GRID2: variants seen among roughly 807,000 people sequenced by gnomAD.
GRID2 encodes glutamate ionotropic receptor delta type subunit 2.
In GRID2, 33 loss-of-function variants were observed where a neutral mutation model predicts 114.8. The ratio of observed to expected loss-of-function variants is 0.29; its 90% confidence interval spans 0.22 to 0.38. The LOEUF (loss-of-function observed/expected upper bound fraction) is 0.38. GRID2 is among the 10% of genes least tolerant of loss of function. The pLI, the probability that GRID2 is intolerant of heterozygous loss-of-function variation, is 1.00. For synonymous variants in GRID2, 505 were observed against 449.9 expected (o/e 1.12, Z -1.55); for missense variants, 1,184 against 1,257.7 (o/e 0.94, Z 0.89).
intron 2 of GRID2, among the ~76,000 whole-genome samples, chr4:92,851,160 G>T (rs1743758023): frequency 6.6e-6 from 1 of 151,788 alleles, no homozygotes; most frequent in South Asian, 2.1e-4. Flanking sequence ...CCATGTGATG[G>T]TAATATGTAC....
intron 8 of GRID2, 121 bp downstream of exon 8, chr4:93,238,611 A>C: frequency 1.7e-6 from 1 of 589,178 alleles, no homozygotes; most frequent in Non-Finnish European, 2.8e-6. Context: ...AAGAGAAAGC[A>C]GGGGGTGAGG....
At chr4:93,536,360 T>C (rs1411556485) in intron 13 of GRID2, among the ~76,000 whole-genome samples, 3 of 151,750 alleles carry the variant, frequency 2.0e-5, no homozygotes, top group South Asian at 2.1e-4. Flanking sequence ...AACAGACACA[T>C]AGGCTAAAGG....
intron 14 of GRID2, among the ~76,000 whole-genome samples, chr4:93,715,462 G>T (rs1728828560): frequency 6.6e-6 from 1 of 152,082 alleles, no homozygotes; most frequent in South Asian, 2.1e-4. Flanking sequence ...TTCTAATTCT[G>T]TGAAGAATGT....
chr4:93,665,675 G>A (rs1723888571), intron 14 of GRID2, among the ~76,000 whole-genome samples: 1 of 152,106 alleles, frequency 6.6e-6, no homozygotes, highest in Non-Finnish European at 1.5e-5. Flanking sequence ...CATTCATTAA[G>A]TTGCTTGGAT....
chr4:92,366,934 T>C (rs866583127), intron 1 of GRID2, among the ~76,000 whole-genome samples: 1 of 152,070 alleles, frequency 6.6e-6, no homozygotes, highest in Non-Finnish European at 1.5e-5. Context: ...CCTAAAAATG[T>C]CTTTTATAGA....
At chr4:92,820,392 G>C (rs1291022835) in intron 2 of GRID2, among the ~76,000 whole-genome samples, 2 of 152,128 alleles carry the variant, frequency 1.3e-5, no homozygotes, top group African/African-American at 2.4e-5. Context: ...CTGAAAGTCA[G>C]AGAAACAGTT....
chr4:92,726,899 A>G lies in GRID2; in HGVS notation c.244+136613A>G, dbSNP rs1318435154. On this transcript the variant is annotated intron_variant, in intron 2 of 15. Transcript: ENST00000282020. ...AACTTTGATTCCCCAGAGATTTTAC[A>G]GGAAAAAAAATGGTCATCATAAATT... Among the ~76,000 whole-genome samples, 5 of 152,180 alleles carry G rather than the reference A, an allele frequency of 3.3e-5. No homozygotes were observed. The East Asian group carries it at 9.7e-4, about 29-fold the overall frequency.
chr4:92,399,649 C>T (rs1241148524), intron 1 of GRID2, among the ~76,000 whole-genome samples: 4 of 137,526 alleles, frequency 2.9e-5, no homozygotes, highest in East Asian at 4.1e-4. Context: ...CTCTCTCTCT[C>T]TCTCTCTCTC....
chr4:92,887,193 G>A (rs974700951), intron 2 of GRID2, among the ~76,000 whole-genome samples: 1 of 152,172 alleles, frequency 6.6e-6, no homozygotes, highest in African/African-American at 2.4e-5. Context: ...CTGAGAGATG[G>A]TAAAGAGAGA....
intron 2 of GRID2, among the ~76,000 whole-genome samples, chr4:92,692,320 C>G (rs930763345): frequency 6.6e-6 from 1 of 152,176 alleles, no homozygotes; most frequent in East Asian, 1.9e-4. Flanking sequence ...ATATGTCTTA[C>G]TTTGTTATCA....
intron 1 of GRID2, among the ~76,000 whole-genome samples, chr4:92,529,282 A>G (rs530963558): frequency 1.3e-5 from 2 of 152,012 alleles, no homozygotes; most frequent in East Asian, 1.9e-4. Flanking sequence ...AGTGAGAGAG[A>G]GAGAGAGAGA....
chr4:92,332,986 T>A (rs1210448857), intron 1 of GRID2, among the ~76,000 whole-genome samples: 9 of 152,188 alleles, frequency 5.9e-5, no homozygotes, highest in Non-Finnish European at 1.3e-4. Context: ...TTGGCTGGAA[T>A]TGTACTCTGG....
Position 92,464,896 on chromosome 4 carries a change from A to T in GRID2, c.89-125235A>T, listed in dbSNP as rs137891487. Among the ~76,000 whole-genome samples, 664 of 152,274 alleles carry T rather than the reference A, an allele frequency of 4.4e-3. 8 individuals are homozygous for T. The highest frequency in any genetic ancestry group is 0.015 in the African/African-American group (641 of 41,572). On this transcript the variant is annotated intron_variant, in intron 1 of 15. Coordinates refer to ENST00000282020, the MANE Select transcript of GRID2 (RefSeq NM_001510.4). ...GGACCTGGTGGGAGGTGATTGGATC[A>T]CGGGGGCAGATTTCCCCCTTGGTGT...
At chr4:92,472,224 C>T (rs1358694758) in intron 1 of GRID2, among the ~76,000 whole-genome samples, 3 of 60,836 alleles carry the variant, frequency 4.9e-5, no homozygotes, top group Non-Finnish European at 1.0e-4. Flanking sequence ...TGAGCCACCG[C>T]GCCCGGCCGT....
chr4:92,571,078 TG>T (rs1360736922), intron 1 of GRID2, among the ~76,000 whole-genome samples: 1 of 152,088 alleles, frequency 6.6e-6, no homozygotes, highest in Non-Finnish European at 1.5e-5. Flanking sequence ...ATATTGGCTG[TG>T]GGTATAGCAT....
chr4:92,865,550 A>T (rs1231995380), intron 2 of GRID2, among the ~76,000 whole-genome samples: 2 of 152,196 alleles, frequency 1.3e-5, no homozygotes, highest in African/African-American at 4.8e-5. Context: ...TTTTGTCATT[A>T]GACATACATA....
At chr4:93,578,695 G>A (rs1254394051) in intron 13 of GRID2, among the ~76,000 whole-genome samples, 1 of 142,962 alleles carries the variant, frequency 7.0e-6, no homozygotes, top group African/African-American at 2.6e-5. Context: ...CCAGGTTCAC[G>A]CCATTCTCCT....
In GRID2 at chr4:92,653,008, A is replaced by G. The variant is rs1732043675; in HGVS notation, c.244+62722A>G. 2.4e-5 allele frequency among the ~76,000 whole-genome samples: 3 copies of G among 127,532 alleles called. No homozygotes were observed. The Admixed American group carries it at 2.4e-4, about 10-fold the overall frequency. 83.7% of individuals were successfully genotyped at this position (127,532 alleles called of 152,430 possible). A position where few individuals can be genotyped will look rare whatever the true frequency, so the allele number is the denominator to read the frequency against. On this transcript the variant is annotated intron_variant, in intron 2 of 15. Coordinates refer to ENST00000282020, the MANE Select transcript of GRID2 (RefSeq NM_001510.4). Reference sequence around the variant, plus strand: ...AATATATATAAATATATATAAATACATATATATACTTTTTTTTTTCTAAGT... The same window carrying G: ...AATATATATAAATATATATAAATACGTATATATACTTTTTTTTTTCTAAGT...
At chr4:93,804,256 T>C (rs1734990016) in intron 1 of GRID2, among the ~76,000 whole-genome samples, 1 of 152,238 alleles carries the variant, frequency 6.6e-6, no homozygotes, top group African/African-American at 2.4e-5. Context: ...ATAGTAGTCA[T>C]GTGTTGCTTA....
Sources: gnomAD v4.1 joint callset for allele counts (sites outside exome capture counted in the v4.1 genomes callset) on GRCh38, gnomAD v4.1.1 for gene constraint, MANE v1.5 for transcripts, NCBI Gene and HGNC (gene_info 2026-07-23, HGNC 2026-07-21) for gene names.